Variants in FAM149A observed in about 807,000 individuals in gnomAD.
FAM149A encodes family with sequence similarity 149 member A.
In FAM149A, 71 loss-of-function variants were observed where a neutral mutation model predicts 78.2. The ratio of observed to expected loss-of-function variants is 0.91; its 90% CI spans 0.75 to 1.11. FAM149A has a LOEUF of 1.11. FAM149A is among the 50% of genes least tolerant of loss of function. The pLI, the probability that FAM149A is intolerant of heterozygous loss-of-function variation, is 0.00. For synonymous variants in FAM149A, 446 were observed against 410.5 expected, an observed-to-expected ratio of 1.09 and a Z score of -1.04; for missense variants, 1,036 against 971.0, an observed-to-expected ratio of 1.07 and a Z score of -0.89.
intron 1 of FAM149A, chr4:186,131,775 A>G (rs1419760556): frequency 1.3e-5 from 5 of 391,972 alleles, no homozygotes; most frequent in African/African-American, 2.2e-5. Context: ...CATGCATCTC[A>G]TCCTCGAGGA....
At chr4:186,158,025 C>A in intron 8 of FAM149A, 2 of 1,429,418 alleles carry the variant, frequency 1.4e-6, no homozygotes, top group Non-Finnish European at 1.9e-6. Context: ...AAGGACGGAC[C>A]AGCGATGGCA....
chr4:186,107,711 A>G (rs536742320), intron 1 of FAM149A: 4 of 152,488 alleles, frequency 2.6e-5, no homozygotes, highest in African/African-American at 9.6e-5. Flanking sequence ...GAGCCACTGC[A>G]TCTGGCCATG....
intron 3 of FAM149A, chr4:186,150,965 C>T (rs1733528706): frequency 1.1e-6 from 1 of 895,100 alleles, no homozygotes; most frequent in African/African-American, 1.8e-5. Flanking sequence ...TGTGATCCGC[C>T]TGCCTGGGCC....
In FAM149A at chr4:186,118,266, G is replaced by A. The variant is rs888420407; in HGVS notation, c.566+12624G>A. 1.5e-5 allele frequency: 15 copies of A among 979,250 alleles called. No individual in the cohort carries two copies. The East Asian group carries it at 3.4e-4, about 22-fold the overall frequency. The allele number at this position is 979,250 out of a possible 1,614,324, so 60.7% of individuals were successfully genotyped here. On this transcript the variant is annotated intron_variant, in intron 1 of 13. Transcript: ENST00000389354. ...TTCAAGACCCTCTGAAATGAGGAGC[G>A]TCTCCTTTCTCTGCTGGAACAGTGC...
chr4:186,124,386 A>T (rs1249439065), intron 1 of FAM149A: 4 of 280,496 alleles, frequency 1.4e-5, no homozygotes, highest in Non-Finnish European at 2.1e-5. Flanking sequence ...TACATTAGGT[A>T]TATCTCCTAA....
chr4:186,118,049 A>G, intron 1 of FAM149A: 2 of 985,408 alleles, frequency 2.0e-6, no homozygotes, highest in Non-Finnish European at 2.4e-6. Flanking sequence ...CTAGGGAAAC[A>G]TCTAGAGAAG....
intron 1 of FAM149A, among the ~76,000 whole-genome samples, chr4:186,141,778 G>A (rs1421272172): frequency 6.6e-6 from 1 of 152,176 alleles, no homozygotes; most frequent in Non-Finnish European, 1.5e-5. Flanking sequence ...AGATTTAGGG[G>A]TGTCTCATAG....
chr4:186,127,704 A>C, intron 1 of FAM149A: 1 of 838,290 alleles, frequency 1.2e-6, no homozygotes, highest in Non-Finnish European at 1.3e-6. Flanking sequence ...TTTGTTTTGG[A>C]GATAGAGTTA....
Position 186,105,738 on chromosome 4 carries a change from TGAA to T in FAM149A, c.566+97_566+99del, listed in dbSNP as rs989542162. ...ACCTTCGCAGGTGCACTTCAGGAAA[TGAA>T]ATATTTGTAGTAACTTTCATAACCC... On this transcript the variant is annotated intron_variant, in intron 1 of 13. Coordinates refer to ENST00000389354, the MANE Select transcript of FAM149A (RefSeq NM_001367768.3). The T allele has an allele frequency of 3.5e-6, 3 of 859,102 alleles. No homozygotes were observed. In the African/African-American group the frequency reaches 5.5e-5, roughly 16 times the overall value. The allele number at this position is 859,102 out of a possible 1,614,324, so 53.2% of individuals were successfully genotyped here.
At position 186,149,561 on chromosome 4, in the gene FAM149A, T is replaced by C; in HGVS notation, c.678-32T>C. 2 of 1,289,892 alleles carry C rather than the reference T, an allele frequency of 1.6e-6. No individual in the cohort carries two copies. The highest frequency in any genetic ancestry group is 2.0e-6 in the Non-Finnish European group (2 of 988,888). The allele number at this position is 1,289,892 out of a possible 1,614,324, so 79.9% of individuals were successfully genotyped here. On this transcript the variant is annotated intron_variant, in intron 2 of 13. Coordinates refer to ENST00000389354, the MANE Select transcript of FAM149A (RefSeq NM_001367768.3). The stretch of plus-strand genomic sequence containing the variant: ...TGATTTCTTTGCTCATGTTCATTCC[T>C]GCAGCAAATCCTTGTCATCCTTTTC...
intron 1 of FAM149A, chr4:186,123,190 G>A (rs2099316836): frequency 1.0e-6 from 1 of 983,814 alleles, no homozygotes; most frequent in Admixed American, 6.2e-5. Flanking sequence ...AAAAGGAAAT[G>A]TCACATTACT....
chr4:186,149,320 A>G, intron 2 of FAM149A, 37 bp downstream of exon 2: 1 of 1,271,546 alleles, frequency 7.9e-7, no homozygotes, highest in Non-Finnish European at 1.0e-6. Context: ...CAAAATCACA[A>G]AATGCCCGTA....
In FAM149A at chr4:186,164,865, C is replaced by T. The variant is rs1323609137; in HGVS notation, c.1890-479C>T. On this transcript the variant is annotated intron_variant, in intron 10 of 13. Coordinates refer to ENST00000389354, the MANE Select transcript of FAM149A (RefSeq NM_001367768.3). The surrounding 1 kb of genome is among the most constrained non-coding windows in gnomAD (Gnocchi z 4.0). ...TTTTTATTATTGCCACCCTGAGGAG[C>T]CCTTTTCGACCATTCTTCCCAATTG... 6.6e-6 allele frequency among the ~76,000 whole-genome samples: 1 copy of T among 152,152 alleles called. No homozygotes were observed. The highest frequency in any genetic ancestry group is 1.5e-5 in the Non-Finnish European group (1 of 68,036).
intron 1 of FAM149A, among the ~76,000 whole-genome samples, chr4:186,131,095 C>A (rs1248010972): frequency 6.6e-6 from 1 of 152,168 alleles, no homozygotes; most frequent in Non-Finnish European, 1.5e-5. Flanking sequence ...CGCCTGTAAT[C>A]CCAGCACTTT....
intron 6 of FAM149A, 110 bp from the exon 7 acceptor site, chr4:186,155,886 CAAAG>C: frequency 1.4e-6 from 1 of 740,002 alleles, no homozygotes; most frequent in Non-Finnish European, 2.0e-6. Context: ...TGCTGTTTAA[CAAAG>C]AATGTTTATT....
At chr4:186,146,593 C>G (rs950337417) in intron 1 of FAM149A, 1 of 856,040 alleles carries the variant, frequency 1.2e-6, no homozygotes, top group Non-Finnish European at 1.4e-6. Context: ...AACTCGCATG[C>G]GTCCCATTTT....
intron 1 of FAM149A, among the ~76,000 whole-genome samples, chr4:186,145,290 C>G (rs1322271628): frequency 6.6e-6 from 1 of 152,146 alleles, no homozygotes; most frequent in African/African-American, 2.4e-5. Context: ...AAAGGGACTC[C>G]TTCGTCACTG....
chr4:186,148,958 G>A (rs544813660), intron 1 of FAM149A, among the ~76,000 whole-genome samples: 1 of 151,564 alleles, frequency 6.6e-6, no homozygotes, highest in Admixed American at 6.6e-5. Context: ...TTAAGAAAAA[G>A]AAAAATGATG....
intron 11 of FAM149A, among the ~76,000 whole-genome samples, chr4:186,166,598 C>T (rs1735041820): frequency 6.7e-6 from 1 of 149,404 alleles, no homozygotes; most frequent in Non-Finnish European, 1.5e-5. Flanking sequence ...TTGCAGTGAG[C>T]CGCGATCACG....
Sources: gnomAD v4.1 joint callset for allele counts (sites outside exome capture counted in the v4.1 genomes callset) on GRCh38, gnomAD v4.1.1 for gene constraint, Gnocchi (gnomAD v3.1) non-coding constraint, MANE v1.5 for transcripts, NCBI Gene and HGNC (gene_info 2026-07-23, HGNC 2026-07-21) for gene names.